Variants in CNTNAP2 observed in about 807,000 individuals in gnomAD.
CNTNAP2 encodes the protein contactin-associated protein-like 2.
CNTNAP2 carries 98 observed loss-of-function variants against 155.2 expected under a neutral mutation model. That is an observed-to-expected ratio of 0.63 (90% CI 0.54 to 0.75). The LOEUF is 0.75. Among genes scored for constraint, CNTNAP2 ranks in the 30% least tolerant of loss-of-function variants. The pLI is 0.00. For synonymous variants in CNTNAP2, 651 were observed against 631.2 expected, an observed-to-expected ratio of 1.03 and a Z score of -0.47; for missense variants, 1,727 against 1,688.1, an observed-to-expected ratio of 1.02 and a Z score of -0.40.
intron 1 of CNTNAP2, among the ~76,000 whole-genome samples, chr7:146,502,917 C>T (rs904510281): frequency 6.6e-6 from 1 of 152,146 alleles, no homozygotes; most frequent in African/African-American, 2.4e-5. Context: ...AAACTGCCAT[C>T]ATTGTGATTT....
At chr7:148,357,420 C>T (rs557677293) in intron 21 of CNTNAP2, among the ~76,000 whole-genome samples, 5 of 152,184 alleles carry the variant, frequency 3.3e-5, no homozygotes, top group Middle Eastern at 3.2e-3. Flanking sequence ...CAGACTAATA[C>T]ACCACACATG....
At chr7:146,709,209 C>T (rs1563197724) in intron 1 of CNTNAP2, among the ~76,000 whole-genome samples, 1 of 150,108 alleles carries the variant, frequency 6.7e-6, no homozygotes, top group Non-Finnish European at 1.5e-5. Flanking sequence ...TTTTAAGAGA[C>T]AAAACAAAAT....
chr7:147,655,902 T>A (rs538414907), intron 13 of CNTNAP2, among the ~76,000 whole-genome samples: 1 of 152,268 alleles, frequency 6.6e-6, no homozygotes, highest in East Asian at 1.9e-4. Flanking sequence ...AATAGAAAGA[T>A]GTTTCATCTA....
intron 8 of CNTNAP2, among the ~76,000 whole-genome samples, chr7:147,250,736 G>T (rs1182544478): frequency 6.6e-6 from 1 of 152,098 alleles, no homozygotes; most frequent in Non-Finnish European, 1.5e-5. Flanking sequence ...GTGGCTCCTT[G>T]TATCATCTAC....
chr7:146,440,339 A>T (rs1227730284), intron 1 of CNTNAP2, among the ~76,000 whole-genome samples: 1 of 151,610 alleles, frequency 6.6e-6, no homozygotes, highest in Admixed American at 6.6e-5. Flanking sequence ...AATTAAGTGT[A>T]TGAAAAGTGC....
intron 16 of CNTNAP2, among the ~76,000 whole-genome samples, chr7:148,131,050 T>G (rs1463739623): frequency 6.6e-6 from 1 of 151,008 alleles, no homozygotes; most frequent in Non-Finnish European, 1.5e-5. Context: ...TATCTCACTC[T>G]CTTGGATTCT....
At chr7:147,564,791 C>G (rs1386949656) in intron 12 of CNTNAP2, among the ~76,000 whole-genome samples, 2 of 152,130 alleles carry the variant, frequency 1.3e-5, no homozygotes, top group East Asian at 3.9e-4. Context: ...CTCAGCACTT[C>G]AAATGACTTC....
chr7:146,406,263 A>G (rs1333485992), intron 1 of CNTNAP2, among the ~76,000 whole-genome samples: 1 of 152,206 alleles, frequency 6.6e-6, no homozygotes, highest in Non-Finnish European at 1.5e-5. Flanking sequence ...CTGTTTAGCA[A>G]ATATCTTTTA....
chr7:146,847,970 CA>C (rs1441139325), intron 3 of CNTNAP2, among the ~76,000 whole-genome samples: 1 of 152,104 alleles, frequency 6.6e-6, no homozygotes, highest in African/African-American at 2.4e-5. Context: ...TTTTTGTCTA[CA>C]GTACTTCTCT....
chr7:146,545,124 T>C (rs888711001), intron 1 of CNTNAP2, among the ~76,000 whole-genome samples: 1 of 151,746 alleles, frequency 6.6e-6, no homozygotes, highest in South Asian at 2.1e-4. Flanking sequence ...AAGTCAATGA[T>C]TAGGGGATTT....
At chr7:147,446,402 C>T (rs1797740893) in intron 10 of CNTNAP2, among the ~76,000 whole-genome samples, 3 of 152,142 alleles carry the variant, frequency 2.0e-5, no homozygotes, top group Admixed American at 2.0e-4. Flanking sequence ...AAGTGTATCA[C>T]TGAAAGTGGT....
intron 1 of CNTNAP2, among the ~76,000 whole-genome samples, chr7:146,709,375 G>T (rs901158976): frequency 6.6e-6 from 1 of 152,122 alleles, no homozygotes; most frequent in Non-Finnish European, 1.5e-5. Context: ...GTGCTGATAC[G>T]AGAAACCTAA....
At chr7:146,388,762 C>T (rs1795498211) in intron 1 of CNTNAP2, among the ~76,000 whole-genome samples, 1 of 152,180 alleles carries the variant, frequency 6.6e-6, no homozygotes. Context: ...CAGCCCCCCA[C>T]TACCCTTTTC....
intron 1 of CNTNAP2, among the ~76,000 whole-genome samples, chr7:146,635,973 G>A (rs1379852755): frequency 6.6e-6 from 1 of 152,106 alleles, no homozygotes; most frequent in African/African-American, 2.4e-5. Flanking sequence ...CTAAAGTATT[G>A]CTTGCTCACT....
intron 13 of CNTNAP2, among the ~76,000 whole-genome samples, chr7:147,732,038 C>CT (rs543740741): frequency 0.028 from 4,217 of 151,126 alleles, 200 homozygotes; most frequent in African/African-American, 0.095. Flanking sequence ...AAATTGGTTT[C>CT]TTTTTTTTTA....
At chr7:147,186,064 G>GAGA (rs1200518685) in intron 8 of CNTNAP2, among the ~76,000 whole-genome samples, 1 of 152,138 alleles carries the variant, frequency 6.6e-6, no homozygotes, top group Non-Finnish European at 1.5e-5. Context: ...TTAGCAGTAT[G>GAGA]AGAACAGACT....
At chr7:146,791,599 A>T (rs1018141401) in intron 2 of CNTNAP2, among the ~76,000 whole-genome samples, 7 of 152,344 alleles carry the variant, frequency 4.6e-5, no homozygotes, top group Admixed American at 4.6e-4. Context: ...TGACAGAGAT[A>T]AAGAATGCTG....
At position 146,423,888 on chromosome 7, in the gene CNTNAP2, G is replaced by A. The variant is rs144205859; in HGVS notation, c.97+306915G>A. Among the ~76,000 whole-genome samples, 12 of 152,152 alleles carry A rather than the reference G, an allele frequency of 7.9e-5. No homozygotes were observed. In the East Asian group the frequency reaches 2.1e-3, roughly 27 times the overall value. ...ATAAATCTTAAATTCAGATAATAAG[G>A]CTATGAAATGTATCACGTTACTCAA... On this transcript the variant is annotated intron_variant, in intron 1 of 23. Transcript: ENST00000361727.
At chr7:147,546,723 G>A (rs547977943) in intron 11 of CNTNAP2, among the ~76,000 whole-genome samples, 1 of 152,154 alleles carries the variant, frequency 6.6e-6, no homozygotes, top group Non-Finnish European at 1.5e-5. Context: ...AGTTGACTGT[G>A]GTCAGTTGAG....
Sources: allele counts gnomAD v4.1 joint callset (sites outside exome capture counted in the v4.1 genomes callset), GRCh38; gene constraint gnomAD v4.1.1; transcripts MANE v1.5; gene names NCBI Gene and HGNC (gene_info 2026-07-23, HGNC 2026-07-21).